Variants in DSCAML1 observed in about 807,000 individuals in gnomAD.
The protein encoded by DSCAML1 is cell adhesion molecule DSCAML1.
A neutral mutation model predicts 200.5 loss-of-function variants in DSCAML1; 38 were observed. The observed-to-expected ratio is 0.19, with a 90% CI of 0.15 to 0.25. The LOEUF (loss-of-function observed/expected upper bound fraction) is 0.25. Among genes scored for constraint, DSCAML1 ranks in the 10% least tolerant of loss-of-function variants. The pLI, the probability that DSCAML1 is intolerant of heterozygous loss-of-function variation, is 1.00. For synonymous variants in DSCAML1, 1,215 were observed against 1,165.0 expected (o/e 1.04, Z -0.87); for missense variants, 2,223 against 2,858.8 (o/e 0.78, Z 5.07).
intron 14 of DSCAML1, among the ~76,000 whole-genome samples, chr11:117,479,988 A>G (rs75066826): frequency 0.022 from 3,355 of 152,218 alleles, 113 homozygotes; most frequent in African/African-American, 0.075. Context: ...AAGCTTTTCC[A>G]GGGCCTCCTA....
intron 3 of DSCAML1, among the ~76,000 whole-genome samples, chr11:117,579,291 TACGGTG>T (rs1455615263): frequency 1.3e-5 from 2 of 152,362 alleles, no homozygotes; most frequent in African/African-American, 4.8e-5. Context: ...TCAAACTCTT[TACGGTG>T]ACCTAGAGCC....
chr11:117,464,181 G>T (rs2048534136), intron 17 of DSCAML1, among the ~76,000 whole-genome samples: 1 of 152,186 alleles, frequency 6.6e-6, no homozygotes, highest in South Asian at 2.1e-4. Flanking sequence ...TCAGACCCTA[G>T]CTTTGGGTTG....
At position 117,808,067 on chromosome 11, in the gene DSCAML1, G is replaced by A. The variant is rs116888925; in HGVS notation, c.-250+9323C>T. 5.9e-3 allele frequency among the ~76,000 whole-genome samples: 896 copies of A among 152,242 alleles called. 4 individuals carry two copies. Among genetic ancestry groups the A allele is most frequent in the South Asian group, 0.028 (136 of 4,820 alleles). On this transcript the variant is annotated intron_variant, in intron 1 of 2. Coordinates refer to the DSCAML1 transcript ENST00000525836. ...GAACTCCTGACCTCGTGATCCGCCC[G>A]CCTAGGCTTCCCAAAGTGGTGCGAT...
At position 117,698,029 on chromosome 11, in the gene DSCAML1, C is replaced by T. The variant is rs1453964791; in HGVS notation, c.511+78762G>A. ...TCGTGATCCACCTGCCTCGGCCTCCCAAAGTGCTGGGATTTCAGGCGTGAG... is the reference window on the plus strand; with the variant it reads ...TCGTGATCCACCTGCCTCGGCCTCCTAAAGTGCTGGGATTTCAGGCGTGAG... On this transcript the variant is annotated intron_variant, in intron 3 of 32. Coordinates refer to ENST00000651296, the MANE Select transcript of DSCAML1 (RefSeq NM_020693.4). Among the ~76,000 whole-genome samples, 3 of 152,324 alleles carry T rather than the reference C, an allele frequency of 2.0e-5. No individual in the cohort carries two copies. In the East Asian group the frequency reaches 5.8e-4, roughly 29 times the overall value.
At chr11:117,797,295 C>T (rs2055602819), upstream of DSCAML1, 4 of 1,323,540 alleles carry the variant, frequency 3.0e-6, no homozygotes, top group Non-Finnish European at 3.8e-6. Flanking sequence ...TCTCCCCGCC[C>T]CCCCGCGGCA....
chr11:117,659,258 C>T (rs1475830760), intron 3 of DSCAML1, among the ~76,000 whole-genome samples: 1 of 152,240 alleles, frequency 6.6e-6, no homozygotes, highest in African/African-American at 2.4e-5. Flanking sequence ...CTGGCTGTGA[C>T]AATCACGCTT....
Position 117,694,057 on chromosome 11 carries a change from T to TTATATATATATATATATATATATATA in DSCAML1, c.511+82733_511+82734insTATATATATATATATATATATATATA, listed in dbSNP as rs35313833. Among the ~76,000 whole-genome samples, 639 of 116,068 alleles carry TTATATATATATATATATATATATATA rather than the reference T, an allele frequency of 5.5e-3. 6 individuals are homozygous for TTATATATATATATATATATATATATA. The highest frequency in any genetic ancestry group is 0.026 in the Middle Eastern group (6 of 230). The allele number at this position is 116,068 out of a possible 152,430, so 76.1% of individuals were successfully genotyped here. ...CCTCTGTCATTTTTAGGTTCTATCT[T>TTATATATATATATATATATATATATA]TATATATATATATATATATATACAC... On this transcript the variant is annotated intron_variant, in intron 3 of 32. Coordinates refer to ENST00000651296, the MANE Select transcript of DSCAML1 (RefSeq NM_020693.4).
intron 3 of DSCAML1, among the ~76,000 whole-genome samples, chr11:117,606,926 A>G (rs2051579360): frequency 6.6e-6 from 1 of 152,234 alleles, no homozygotes; most frequent in African/African-American, 2.4e-5. Flanking sequence ...GGGAGTGTTG[A>G]CTGGTTGAGT....
At chr11:117,728,936 A>G (rs2054176561) in intron 3 of DSCAML1, among the ~76,000 whole-genome samples, 1 of 152,242 alleles carries the variant, frequency 6.6e-6, no homozygotes. Context: ...AAGTGTGTAA[A>G]GAATTGCAAT....
chr11:117,491,642 C>T lies in DSCAML1; in HGVS notation c.2360-9480G>A, dbSNP rs185863829. On this transcript the variant is annotated intron_variant, in intron 11 of 32. Transcript: ENST00000651296. ...TACAAAAATTAGCTGGGCATGGTGG[C>T]GTGTGCCTGGAATCCCAGCTCCTCG... Among the ~76,000 whole-genome samples the T allele has an allele frequency of 4.4e-3, 677 of 152,254 alleles. 7 individuals are homozygous for T. Among genetic ancestry groups the T allele is most frequent in the African/African-American group, 0.015 (630 of 41,538 alleles).
At chr11:117,625,838 G>A (rs1437363108) in intron 3 of DSCAML1, among the ~76,000 whole-genome samples, 1 of 152,240 alleles carries the variant, frequency 6.6e-6, no homozygotes, top group Non-Finnish European at 1.5e-5. Context: ...TCCTGCCCAA[G>A]GAAGTACGGT....
intron 3 of DSCAML1, among the ~76,000 whole-genome samples, chr11:117,665,896 G>C (rs1347276874): frequency 6.6e-6 from 1 of 152,238 alleles, no homozygotes; most frequent in African/African-American, 2.4e-5. Context: ...TCATTTCCCA[G>C]ATGAGGAATC....
At chr11:117,536,023 C>A (rs75941699) in intron 3 of DSCAML1, among the ~76,000 whole-genome samples, 2 of 152,216 alleles carry the variant, frequency 1.3e-5, no homozygotes, top group Non-Finnish European at 2.9e-5. Flanking sequence ...CTCCCTCCCC[C>A]CCTTCTTGTG....
In DSCAML1 at chr11:117,489,924, G is replaced by T. The variant is rs1387716171; in HGVS notation, c.2360-7762C>A. Among the ~76,000 whole-genome samples, 1 of 152,218 alleles carries T rather than the reference G, an allele frequency of 6.6e-6. No individual in the cohort carries two copies. The highest frequency in any genetic ancestry group is 1.5e-5 in the Non-Finnish European group (1 of 68,036). On this transcript the variant is annotated intron_variant, in intron 11 of 32. Coordinates refer to ENST00000651296, the MANE Select transcript of DSCAML1 (RefSeq NM_020693.4). This position sits in a 1 kb window ranked among gnomAD's most constrained non-coding sequence, Gnocchi z 4.8. ...TTTGTGGAAAGGAGAGCTTTACTGG[G>T]TATCTTTGCCGTCCTCCTCCAGTGC...
In DSCAML1 at chr11:117,560,257, G is replaced by A. The variant is rs957893928; in HGVS notation, c.512-27735C>T. 3.3e-5 allele frequency among the ~76,000 whole-genome samples: 5 copies of A among 152,080 alleles called. No homozygotes were observed. In the South Asian group the frequency reaches 8.3e-4, roughly 25 times the overall value. On this transcript the variant is annotated intron_variant, in intron 3 of 32. Transcript: ENST00000651296. The stretch of plus-strand genomic sequence containing the variant: ...CTACTTTGTCCAGGTACTATGCTAC[G>A]GTTTTGGATACAGTATCTTATTTAA...
chr11:117,503,119 G>T lies in DSCAML1; in HGVS notation c.2359+726C>A, dbSNP rs2049428810. Among the ~76,000 whole-genome samples, 1 of 152,196 alleles carries T rather than the reference G, an allele frequency of 6.6e-6. No individual in the cohort carries two copies. The highest frequency in any genetic ancestry group is 6.5e-5 in the Admixed American group (1 of 15,274). ...TGTATGAGACTTAAGAAAATCCTGGGATAGCAAATAGGCAGTGTGCTTCTA... is the reference window on the plus strand; with the variant it reads ...TGTATGAGACTTAAGAAAATCCTGGTATAGCAAATAGGCAGTGTGCTTCTA... On this transcript the variant is annotated intron_variant, in intron 11 of 32. Transcript: ENST00000651296. This position sits in a 1 kb window ranked among gnomAD's most constrained non-coding sequence, Gnocchi z 5.2.
At chr11:117,532,860 C>T (rs549882659) in intron 3 of DSCAML1, among the ~76,000 whole-genome samples, 72 of 151,970 alleles carry the variant, frequency 4.7e-4, no homozygotes, top group African/African-American at 1.4e-3. Context: ...TGTGGTGGCT[C>T]GCACCTGTAA....
At chr11:117,624,424 G>C (rs972427575) in intron 3 of DSCAML1, among the ~76,000 whole-genome samples, 1 of 152,194 alleles carries the variant, frequency 6.6e-6, no homozygotes, top group Admixed American at 6.5e-5. Flanking sequence ...CTCAAAACCT[G>C]TCTGTAAATA....
chr11:117,720,333 C>G (rs137874999), intron 3 of DSCAML1, among the ~76,000 whole-genome samples: 23 of 152,290 alleles, frequency 1.5e-4, no homozygotes, highest in Non-Finnish European at 2.8e-4. Context: ...AGAGTGCACA[C>G]GCCCTCCCAG....
Sources: gnomAD v4.1 joint callset for allele counts (sites outside exome capture counted in the v4.1 genomes callset) on GRCh38, gnomAD v4.1.1 for gene constraint, Gnocchi (gnomAD v3.1) non-coding constraint, MANE v1.5 for transcripts, NCBI Gene and HGNC (gene_info 2026-07-23, HGNC 2026-07-21) for gene names.